Variants in PTPRC observed in about 807,000 individuals in gnomAD.
PTPRC encodes protein tyrosine phosphatase receptor type C.
Under a neutral mutation model 155.9 loss-of-function variants are expected in PTPRC, and 44 were observed. The observed-to-expected ratio is 0.28, with a 90% CI of 0.22 to 0.36. PTPRC has a LOEUF of 0.36. Among genes scored for constraint, PTPRC ranks in the 10% least tolerant of loss-of-function variants. The pLI is 1.00. For synonymous variants in PTPRC, 525 were observed against 533.1 expected, an observed-to-expected ratio of 0.98 and a Z score of 0.21; for missense variants, 1,401 against 1,564.6, an observed-to-expected ratio of 0.90 and a Z score of 1.76.
chr1:198,687,526 G>C (rs1483116065), intron 2 of PTPRC, among the ~76,000 whole-genome samples: 1 of 150,996 alleles, frequency 6.6e-6, no homozygotes, highest in Admixed American at 6.6e-5. Context: ...TCCCTACCTT[G>C]TTTCATATAT....
At chr1:198,642,260 G>C (rs1472887476) in intron 2 of PTPRC, among the ~76,000 whole-genome samples, 1 of 151,922 alleles carries the variant, frequency 6.6e-6, no homozygotes, top group African/African-American at 2.4e-5. Context: ...TAGAAATATA[G>C]ATGTTTCTAC....
chr1:198,748,270 C>T (rs747726669), intron 27 of PTPRC, 71 bp downstream of exon 27: 49 of 1,513,952 alleles, frequency 3.2e-5, no homozygotes, highest in Non-Finnish European at 4.3e-5. Flanking sequence ...TAATGTGGGA[C>T]ACACAGTCAT....
Position 198,742,307 on chromosome 1 carries a change from G to A in PTPRC, c.2637G>A (p.Val879=), listed in dbSNP as rs772752719. The part of the protein sequence containing the change: ...MLEGLEAENK[V]DVYGYVVKLR... ...AAGGCCTGGAAGCCGAGAACAAAGT[G>A]GATGTTTATGGTTATGTTGTCAAGC... The change falls in exon 25 of 33, where the codon GTG becomes GTA. Residue 879 remains valine (V), a synonymous_variant. Coordinates refer to ENST00000442510, the MANE Select transcript of PTPRC (RefSeq NM_002838.5). The A allele has an allele frequency of 6.2e-6, 10 of 1,612,328 alleles. No homozygotes were observed. The South Asian group carries it at 6.6e-5, about 11-fold the overall frequency.
chr1:198,696,142 G>A (rs1255166550), intron 3 of PTPRC, among the ~76,000 whole-genome samples: 1 of 150,724 alleles, frequency 6.6e-6, no homozygotes, highest in Non-Finnish European at 1.5e-5. Context: ...CCTGGTGACA[G>A]AGTGAGACTC....
chr1:198,677,354 T>A (rs1665012629), intron 2 of PTPRC, among the ~76,000 whole-genome samples: 1 of 152,182 alleles, frequency 6.6e-6, no homozygotes, highest in African/African-American at 2.4e-5. Context: ...CACATTTATT[T>A]TCCAGAAAGA....
rs556990624 is a variant in PTPRC at position 198,673,655 on chromosome 1, G to GAA, written c.74-18688_74-18687dup. ...AGAGGCATAATCAGTTTACTATTCA[G>GAA]AAAAATGCAAGAGTACATTTTTACT... On this transcript the variant is annotated intron_variant, in intron 2 of 32. Coordinates refer to ENST00000442510, the MANE Select transcript of PTPRC (RefSeq NM_002838.5). Among the ~76,000 whole-genome samples the GAA allele has an allele frequency of 2.6e-4, 39 of 152,168 alleles. 1 individual carries two copies. The East Asian group carries it at 7.5e-3, about 29-fold the overall frequency.
At chr1:198,708,612 A>C (rs1653124207) in intron 10 of PTPRC, among the ~76,000 whole-genome samples, 1 of 152,222 alleles carries the variant, frequency 6.6e-6, no homozygotes, top group Non-Finnish European at 1.5e-5. Flanking sequence ...AAATGATAAT[A>C]CACAAACTCT....
rs1655679840 is a variant in PTPRC, at chr1:198,756,551, C to T, written c.*370C>T. 8 of 210,372 alleles carry T rather than the reference C, an allele frequency of 3.8e-5. No homozygotes were observed. The South Asian group carries it at 5.6e-4, about 15-fold the overall frequency. 13.0% of individuals were successfully genotyped at this position (210,372 alleles called of 1,614,324 possible). ...CCTTTGTTTTTATGAAGAAAAAATA[C>T]ATTTTATATTAGAAGTGTTAACTTA... is the stretch of plus-strand genomic sequence containing the variant. On this transcript the variant is annotated 3_prime_UTR_variant, in exon 33 of 33. Transcript: ENST00000442510.
chr1:198,732,195 G>T (rs1194276052), intron 18 of PTPRC, 105 bp from the exon 19 acceptor site: 10 of 902,490 alleles, frequency 1.1e-5, no homozygotes, highest in Non-Finnish European at 1.6e-5. Context: ...TCAATATGAA[G>T]AAAATATTTT....
chr1:198,717,787 A>T (rs565318935), intron 13 of PTPRC, among the ~76,000 whole-genome samples: 1 of 151,654 alleles, frequency 6.6e-6, no homozygotes, highest in South Asian at 2.1e-4. Flanking sequence ...CCTCTCCCCA[A>T]ACTTCCCCCT....
At chr1:198,750,686 C>T (rs1655342042) in intron 29 of PTPRC, 60 bp downstream of exon 29, 2 of 1,577,672 alleles carry the variant, frequency 1.3e-6, no homozygotes, top group African/African-American at 1.4e-5. Flanking sequence ...ATTCTCTAGT[C>T]TTGGATTGCT....
At chr1:198,694,679 T>C in intron 3 of PTPRC, 1 of 981,066 alleles carries the variant, frequency 1.0e-6, no homozygotes, top group Non-Finnish European at 1.2e-6. Context: ...TGACAGTGAC[T>C]TAATGTGAAT....
At chr1:198,750,717 G>T in intron 29 of PTPRC, 91 bp downstream of exon 29, 1 of 1,498,112 alleles carries the variant, frequency 6.7e-7, no homozygotes, top group Non-Finnish European at 9.2e-7. Flanking sequence ...CCATACCCAC[G>T]TCTTTTTTTA....
intron 8 of PTPRC, among the ~76,000 whole-genome samples, chr1:198,705,120 CTT>C (rs919183172): frequency 6.8e-6 from 1 of 147,710 alleles, no homozygotes; most frequent in African/African-American, 2.5e-5. Context: ...GTTTGTCTCT[CTT>C]TTTTTTTTTC....
intron 16 of PTPRC, among the ~76,000 whole-genome samples, chr1:198,728,842 A>C (rs764402771): frequency 1.4e-4 from 22 of 152,122 alleles, no homozygotes; most frequent in Admixed American, 3.9e-4. Context: ...GAAGATTTAA[A>C]ATAAAATCAT....
At chr1:198,683,837 A>G (rs779382163) in intron 2 of PTPRC, among the ~76,000 whole-genome samples, 3 of 152,098 alleles carry the variant, frequency 2.0e-5, no homozygotes, top group Non-Finnish European at 4.4e-5. Flanking sequence ...TTTGTAAACT[A>G]TGTTCTCAGA....
intron 2 of PTPRC, among the ~76,000 whole-genome samples, chr1:198,678,753 T>A (rs901351006): frequency 4.3e-5 from 5 of 117,198 alleles, no homozygotes; most frequent in African/African-American, 1.4e-4. Flanking sequence ...TTTCTTTTTC[T>A]TTTTTTTTTT....
chr1:198,744,013 G>T (rs964608447), intron 25 of PTPRC, 41 bp from the exon 26 acceptor site: 2 of 1,552,558 alleles, frequency 1.3e-6, no homozygotes, highest in African/African-American at 2.7e-5. Flanking sequence ...GAGGACTCTA[G>T]ATTATCAGTT....
intron 2 of PTPRC, among the ~76,000 whole-genome samples, chr1:198,684,473 C>T (rs1032398045): frequency 5.3e-5 from 8 of 151,614 alleles, no homozygotes; most frequent in African/African-American, 1.2e-4. Flanking sequence ...CTTCTTTATC[C>T]TCAATACTGC....
Sources: gnomAD v4.1 joint callset for allele counts (sites outside exome capture counted in the v4.1 genomes callset) on GRCh38, gnomAD v4.1.1 for gene constraint, MANE v1.5 for transcripts, NCBI Gene and HGNC (gene_info 2026-07-23, HGNC 2026-07-21) for gene names.